The following HAS3 variants were observed in gnomAD, a reference collection of about 807,000 sequenced individuals.
HAS3 encodes hyaluronan synthase 3, also known as HA synthase 3.
Under a neutral mutation model 50.3 loss-of-function variants are expected in HAS3, and 27 were observed. The observed-to-expected ratio is 0.54, with a 90% confidence interval of 0.40 to 0.74. HAS3 has a LOEUF of 0.74. HAS3 is among the 30% of genes least tolerant of loss of function. The pLI, the probability that HAS3 is intolerant of heterozygous loss-of-function variation, is 0.00. For synonymous variants in HAS3, 339 were observed against 310.9 expected (o/e 1.09, Z -0.95); for missense variants, 517 against 742.8 (o/e 0.70, Z 3.53).
the HAS3 span, among the ~76,000 whole-genome samples, chr16:69,100,509 G>A: frequency 6.6e-6 from 1 of 152,184 alleles, no homozygotes; most frequent in Non-Finnish European, 1.5e-5. Context: ...TTTGCTGGAA[G>A]TGATGGGCTG....
upstream of HAS3, among the ~76,000 whole-genome samples, chr16:69,105,132 C>G (rs949799330): frequency 2.0e-5 from 3 of 151,158 alleles, no homozygotes; most frequent in African/African-American, 4.9e-5. Context: ...CTCAGCCTCC[C>G]GAGTAGCTGG....
At chr16:69,084,452 C>T in the HAS3 span, 1 of 152,328 alleles carries the variant, frequency 6.6e-6, no homozygotes, top group Non-Finnish European at 1.5e-5. Flanking sequence ...GCCTTCTGTC[C>T]TCTGCTCCTT....
chr16:69,109,818 C>G lies in HAS3; in HGVS notation c.423C>G (p.Gly141=). Residue 141 remains glycine (G), a synonymous_variant, in exon 2 of 4, where the codon GGC becomes GGG. Transcript: ENST00000569188. The surrounding 1 kb of genome is among the most constrained non-coding windows in gnomAD (Gnocchi z 5.3). The part of the protein sequence containing the change: ...YMLDIFHEVL[G]GTEQAGFFVW... Reference sequence around the variant, plus strand: ...TGGACATCTTCCACGAGGTGCTGGGCGGCACCGAGCAGGCCGGCTTCTTTG... The same window carrying G: ...TGGACATCTTCCACGAGGTGCTGGGGGGCACCGAGCAGGCCGGCTTCTTTG... 1 of 1,612,428 alleles carries G rather than the reference C, an allele frequency of 6.2e-7. No homozygotes were observed. The highest frequency in any genetic ancestry group is 8.5e-7 in the Non-Finnish European group (1 of 1,179,990).
At chr16:69,117,659 T>TATC (rs1961252773) in exon 4 of HAS3, 1 of 963,634 alleles carries the variant, frequency 1.0e-6, no homozygotes, top group African/African-American at 1.8e-5. Flanking sequence ...ATATGCCGGT[T>TATC]ATCTCGAAAC....
Position 69,109,715 on chromosome 16 carries a change from C to T in HAS3, c.320C>T (p.Ser107Leu), listed in dbSNP as rs369340149. 4.3e-6 allele frequency: 7 copies of T among 1,610,540 alleles called. No homozygotes were observed. Among genetic ancestry groups the T allele is most frequent in the African/African-American group, 1.3e-5 (1 of 74,934 alleles). Residue 107 changes from serine (S) to leucine (L), a missense_variant, in exon 2 of 4, where the codon TCG (serine) becomes TTG (leucine). Coordinates refer to ENST00000569188, the MANE Select transcript of HAS3 (RefSeq NM_001199280.2). The surrounding 1 kb of genome is among the most constrained non-coding windows in gnomAD (Gnocchi z 5.3). The part of the protein sequence containing the change: ...DPDYLRKCLR[S>L]AQRISFPDLK... ...GACTACTTGCGCAAGTGCCTGCGCTCGGCCCAGCGCATCTCCTTCCCTGAC... is the reference window on the plus strand; with the variant it reads ...GACTACTTGCGCAAGTGCCTGCGCTTGGCCCAGCGCATCTCCTTCCCTGAC...
Position 69,115,261 on chromosome 16 carries a change from G to C in HAS3, c.1657G>C (p.Val553Leu), listed in dbSNP as rs372206673. The C allele has an allele frequency of 2.3e-5, 35 of 1,517,974 alleles. No individual in the cohort carries two copies. The highest frequency in any genetic ancestry group is 2.2e-5 in the Admixed American group (1 of 45,226). 94.0% of individuals were successfully genotyped at this position (1,517,974 alleles called of 1,614,324 possible). A position where few individuals can be genotyped will look rare whatever the true frequency, so the allele number is the denominator to read the frequency against. ...GCAGTACAGCTTGGCTTTTGCTGAGGTGTGACATGGCCCCCAAGCAGAGCG... is the reference window on the plus strand; with the variant it reads ...GCAGTACAGCTTGGCTTTTGCTGAGCTGTGACATGGCCCCCAAGCAGAGCG... ...PEQYSLAFAEV is the reference protein window; with the variant it reads ...PEQYSLAFAEL The change falls in exon 4 of 4, where the codon GTG becomes CTG. Residue 553 changes from valine to leucine, a missense_variant. Transcript: ENST00000569188.
the HAS3 span, among the ~76,000 whole-genome samples, chr16:69,093,191 A>G: frequency 1.8e-3 from 269 of 152,254 alleles, 3 homozygotes; most frequent in South Asian, 0.054. Flanking sequence ...CATTCTCAGA[A>G]TAACATTGTA....
Position 69,109,312 on chromosome 16 carries a change from C to T in HAS3, c.1-84C>T. ...GGTTTTGATCAGTGGGTCATGTCCA[C>T]TAGTAACAGAGAACACCCATGCTCC... On this transcript the variant is annotated intron_variant, in intron 1 of 3. Transcript: ENST00000569188. This position sits in a 1 kb window ranked among gnomAD's most constrained non-coding sequence, Gnocchi z 5.3. 7.3e-7 allele frequency: 1 copy of T among 1,372,840 alleles called. No homozygotes were observed. The highest frequency in any genetic ancestry group is 9.9e-7 in the Non-Finnish European group (1 of 1,007,158). The allele number at this position is 1,372,840 out of a possible 1,614,324, so 85.0% of individuals were successfully genotyped here.
the HAS3 span, chr16:69,085,269 A>G: frequency 1.3e-5 from 2 of 152,326 alleles, no homozygotes; most frequent in East Asian, 3.8e-4. Context: ...CATTAACCGC[A>G]TTCCAGTTCT....
intron 2 of HAS3, among the ~76,000 whole-genome samples, chr16:69,113,054 T>G (rs946265380): frequency 1.3e-5 from 2 of 152,184 alleles, no homozygotes; most frequent in African/African-American, 4.8e-5. Flanking sequence ...GTGGGGTCAC[T>G]TAAGGCCATA....
At chr16:69,095,552 A>G in the HAS3 span, among the ~76,000 whole-genome samples, 3 of 151,502 alleles carry the variant, frequency 2.0e-5, no homozygotes, top group African/African-American at 4.9e-5. Context: ...GTCCACCCCC[A>G]GTGATTCTGA....
intron 3 of HAS3, among the ~76,000 whole-genome samples, chr16:69,113,976 C>G (rs1961095520): frequency 6.6e-6 from 1 of 152,230 alleles, no homozygotes; most frequent in Admixed American, 6.5e-5. Context: ...TCCCCTACAA[C>G]TTTCCAACCA....
At chr16:69,087,538 C>T in the HAS3 span, among the ~76,000 whole-genome samples, 3 of 151,960 alleles carry the variant, frequency 2.0e-5, no homozygotes, top group Non-Finnish European at 4.4e-5. Context: ...TCTTCCACGT[C>T]CCTTGCTTTG....
At position 69,116,987 on chromosome 16, in the gene HAS3, A is replaced by C. The variant is rs16958646; in HGVS notation, c.*1721A>C. On this transcript the variant is annotated 3_prime_UTR_variant, in exon 4 of 4. Transcript: ENST00000569188. ...TGGGCAAACCCTGGTGCTTTCCTTC[A>C]TCTCCCACGAACTCAAGGGTTTTCC... The C allele has an allele frequency of 1.1e-5, 11 of 985,256 alleles. No individual in the cohort carries two copies. Among genetic ancestry groups the C allele is most frequent in the African/African-American group, 1.7e-5 (1 of 57,190 alleles). 61.0% of individuals were successfully genotyped at this position (985,256 alleles called of 1,614,324 possible).
Position 69,105,654 on chromosome 16 carries a change from A to G in HAS3, c.-134A>G, listed in dbSNP as rs747871640. 4 of 152,204 alleles carry G rather than the reference A, an allele frequency of 2.6e-5. No homozygotes were observed. Among genetic ancestry groups the G allele is most frequent in the Admixed American group, 6.5e-5 (1 of 15,282 alleles). The allele number at this position is 152,204 out of a possible 1,614,324, so 9.4% of individuals were successfully genotyped here. On this transcript the variant is annotated 5_prime_UTR_variant, in exon 1 of 4. Coordinates refer to ENST00000569188, the MANE Select transcript of HAS3 (RefSeq NM_001199280.2). ...TTGACCAGCCTTTTTACATTTGACA[A>G]TTCTCTTCAGCGCCTCTTTCCTGCC...
chr16:69,108,585 A>G (rs1021145850), intron 1 of HAS3, among the ~76,000 whole-genome samples: 1 of 152,072 alleles, frequency 6.6e-6, no homozygotes, highest in African/African-American at 2.4e-5. Flanking sequence ...GACCAAGCGG[A>G]TGGGATGCCC....
At position 69,115,170 on chromosome 16, in the gene HAS3, C is replaced by T. The variant is rs1301525374; in HGVS notation, c.1566C>T (p.Cys522=). The change falls in exon 4 of 4, where the codon TGC becomes TGT. Residue 522 remains cysteine, a synonymous_variant. Coordinates refer to ENST00000569188, the MANE Select transcript of HAS3 (RefSeq NM_001199280.2). ...TCTCTGGGGCTATACTGTATGGCTG[C>T]TACTGGGTGGCCCTCCTCATGCTAT... ...FLVSGAILYG[C]YWVALLMLYL... 2 of 1,596,320 alleles carry T rather than the reference C, an allele frequency of 1.3e-6. No homozygotes were observed. The highest frequency in any genetic ancestry group is 4.5e-5 in the East Asian group (2 of 44,680).
intron 2 of HAS3, among the ~76,000 whole-genome samples, chr16:69,110,737 G>A (rs932278483): frequency 9.2e-5 from 14 of 152,154 alleles, no homozygotes; most frequent in South Asian, 4.1e-4. Context: ...CGCCCAGGCC[G>A]TCTGTCTCAA....
At chr16:69,097,396 A>G in the HAS3 span, among the ~76,000 whole-genome samples, 42 of 151,162 alleles carry the variant, frequency 2.8e-4, no homozygotes, top group African/African-American at 9.7e-4. Flanking sequence ...GCAGCGAGCC[A>G]AGATCAGGCC....
Sources: allele counts gnomAD v4.1 joint callset (sites outside exome capture counted in the v4.1 genomes callset), GRCh38; gene constraint gnomAD v4.1.1; non-coding constraint Gnocchi (gnomAD v3.1); transcripts MANE v1.5; gene names NCBI Gene and HGNC (gene_info 2026-07-23, HGNC 2026-07-21).